Variants in CSTPP1 observed in about 807,000 individuals in gnomAD.
The protein encoded by CSTPP1 is UPF0705 protein C11orf49.
the CSTPP1 span, among the ~76,000 whole-genome samples, chr11:46,985,395 G>A: frequency 1.3e-5 from 2 of 152,102 alleles, no homozygotes; most frequent in Non-Finnish European, 1.5e-5. Context: ...TTTTCCTGAG[G>A]AATGAAACTG....
the CSTPP1 span, among the ~76,000 whole-genome samples, chr11:47,062,988 C>T: frequency 6.6e-6 from 1 of 152,198 alleles, no homozygotes; most frequent in Non-Finnish European, 1.5e-5. Flanking sequence ...CCCTGCTTCA[C>T]CTGCTGACAT....
chr11:46,998,534 A>AGGT, the CSTPP1 span, among the ~76,000 whole-genome samples: 1 of 152,200 alleles, frequency 6.6e-6, no homozygotes, highest in Admixed American at 6.5e-5. Flanking sequence ...CTAAGAAGTG[A>AGGT]AAAGTAAACC....
chr11:47,159,620 T>C, the CSTPP1 span: 1 of 456,250 alleles, frequency 2.2e-6, no homozygotes, highest in South Asian at 1.5e-5. Flanking sequence ...CCACTCTTTC[T>C]TCCCACCAGT....
At chr11:47,100,540 C>T in the CSTPP1 span, among the ~76,000 whole-genome samples, 4 of 152,142 alleles carry the variant, frequency 2.6e-5, no homozygotes, top group African/African-American at 4.8e-5. Flanking sequence ...GCCTGTAATC[C>T]TAGCACTTTG....
chr11:47,137,550 A>C, the CSTPP1 span: 1 of 1,596,344 alleles, frequency 6.3e-7, no homozygotes, highest in African/African-American at 1.3e-5. Context: ...GAACAGCTCT[A>C]CCAAGACCAG....
the CSTPP1 span, among the ~76,000 whole-genome samples, chr11:46,964,289 CT>C: frequency 0.15 from 21,857 of 141,572 alleles, 5,278 homozygotes; most frequent in African/African-American, 0.54. Context: ...CTCTCTCTCT[CT>C]TTTTTTTTTT....
the CSTPP1 span, among the ~76,000 whole-genome samples, chr11:46,995,422 C>A: frequency 2.6e-5 from 4 of 152,112 alleles, no homozygotes; most frequent in Non-Finnish European, 5.9e-5. Flanking sequence ...TTAGTGCTAT[C>A]AATTTCCCTC....
At chr11:47,055,071 T>C in the CSTPP1 span, among the ~76,000 whole-genome samples, 1 of 150,282 alleles carries the variant, frequency 6.7e-6, no homozygotes, top group Admixed American at 6.7e-5. Flanking sequence ...TAGCTGGGAA[T>C]ATATTTGTGC....
the CSTPP1 span, chr11:47,137,373 T>C: frequency 6.8e-7 from 1 of 1,475,594 alleles, no homozygotes; most frequent in Middle Eastern, 1.8e-4. Flanking sequence ...CCTCTCTTGT[T>C]TGCTCTCTTC....
the CSTPP1 span, among the ~76,000 whole-genome samples, chr11:47,017,263 T>C: frequency 6.7e-6 from 1 of 149,306 alleles, no homozygotes; most frequent in Non-Finnish European, 1.5e-5. Context: ...CAACCTCCAC[T>C]TCCCAGGTTC....
At chr11:47,021,889 A>T in the CSTPP1 span, among the ~76,000 whole-genome samples, 1 of 151,156 alleles carries the variant, frequency 6.6e-6, no homozygotes, top group Non-Finnish European at 1.5e-5. Context: ...CCTGCCAGAG[A>T]ATTAGGTTAG....
the CSTPP1 span, among the ~76,000 whole-genome samples, chr11:47,145,660 C>A: frequency 2.6e-5 from 4 of 152,054 alleles, no homozygotes; most frequent in Non-Finnish European, 5.9e-5. Context: ...GAAATGAGGT[C>A]TTGTTCTGTC....
At chr11:46,960,128 A>G in the CSTPP1 span, among the ~76,000 whole-genome samples, 2 of 152,166 alleles carry the variant, frequency 1.3e-5, no homozygotes, top group African/African-American at 4.8e-5. Flanking sequence ...TGGCTTTCCA[A>G]AGTGCTGGGA....
chr11:47,008,216 T>C, the CSTPP1 span, among the ~76,000 whole-genome samples: 1 of 152,122 alleles, frequency 6.6e-6, no homozygotes, highest in Non-Finnish European at 1.5e-5. Context: ...CTGCCCGCCT[T>C]GGCCTCTCAA....
At chr11:46,939,368 C>G in the CSTPP1 span, among the ~76,000 whole-genome samples, 1 of 151,944 alleles carries the variant, frequency 6.6e-6, no homozygotes, top group Non-Finnish European at 1.5e-5. Flanking sequence ...GGATTACAGG[C>G]GTGAGCCACC....
At chr11:47,124,114 CTTTTTTTTTTTTTTT>C in the CSTPP1 span, among the ~76,000 whole-genome samples, 9 of 63,216 alleles carry the variant, frequency 1.4e-4, no homozygotes, top group Non-Finnish European at 2.4e-4. Flanking sequence ...AATGGTCTTA[CTTTTTTTTTTTTTTT>C]TTTTTTTTTT....
At chr11:46,996,492 C>T in the CSTPP1 span, among the ~76,000 whole-genome samples, 413 of 151,916 alleles carry the variant, frequency 2.7e-3, no homozygotes, top group South Asian at 0.012. Flanking sequence ...TTAGTAGAGA[C>T]GGGGTTTCAC....
the CSTPP1 span, among the ~76,000 whole-genome samples, chr11:47,021,953 C>T: frequency 6.6e-6 from 1 of 151,828 alleles, no homozygotes. Flanking sequence ...AGCTTATGGG[C>T]GCCTGTGCAG....
the CSTPP1 span, among the ~76,000 whole-genome samples, chr11:47,147,182 G>T: frequency 2.6e-5 from 4 of 152,160 alleles, no homozygotes; most frequent in African/African-American, 9.7e-5. Context: ...TGGCTAGTGG[G>T]GACACAAGTG....
Sources: allele counts gnomAD v4.1 joint callset (sites outside exome capture counted in the v4.1 genomes callset), GRCh38; gene constraint gnomAD v4.1.1; transcripts MANE v1.5; gene names NCBI Gene and HGNC (gene_info 2026-07-23, HGNC 2026-07-21).